USP47: variants seen among roughly 807,000 people sequenced by gnomAD.
USP47 encodes ubiquitin carboxyl-terminal hydrolase 47.
In USP47, 35 loss-of-function variants were observed where a neutral mutation model predicts 165.1. The observed-to-expected ratio is 0.21, with a 90% CI of 0.16 to 0.28. The LOEUF (loss-of-function observed/expected upper bound fraction) is 0.28. Among genes scored for constraint, USP47 ranks in the 10% least tolerant of loss-of-function variants. The pLI is 1.00. For missense variants in USP47, 1,277 were observed against 1,607.4 expected (o/e 0.79, Z 3.52); for synonymous variants, 531 against 544.5 (o/e 0.98, Z 0.35).
intron 8 of USP47, among the ~76,000 whole-genome samples, chr11:11,911,238 A>G (rs991956072): frequency 5.9e-5 from 9 of 152,190 alleles, no homozygotes; most frequent in African/African-American, 2.2e-4. Context: ...TGGGACTATA[A>G]CAAAAGGTTT....
intron 1 of USP47, among the ~76,000 whole-genome samples, chr11:11,848,356 T>C (rs1848540316): frequency 6.6e-6 from 1 of 152,250 alleles, no homozygotes; most frequent in Non-Finnish European, 1.5e-5. Flanking sequence ...TACTGAATAC[T>C]GTAGGCAGTT....
chr11:11,930,050 CAA>C lies in USP47; in HGVS notation c.1526_1527del (p.Gln509ArgfsTer4), dbSNP rs1283803533. 1.2e-6 allele frequency: 2 copies of C among 1,612,930 alleles called. No homozygotes were observed. Among genetic ancestry groups the C allele is most frequent in the South Asian group, 1.1e-5 (1 of 91,032 alleles). ...FNDQHVSRITQEDIKKTHGGS... is the reference protein window; with the variant it reads ...FNDQHVSRITXEDIKKTHGGS... ...TCATGTAACACATTTTCAGATAACA[CAA>C]GAGGACATTAAGAAAACACATGGTG... On this transcript the variant is annotated frameshift_variant, in exon 13 of 28. Coordinates refer to ENST00000527733, the MANE Select transcript of USP47 (RefSeq NM_001282659.2). LOFTEE classifies it high-confidence loss of function.
At chr11:11,875,689 T>C (rs1172868611) in intron 1 of USP47, among the ~76,000 whole-genome samples, 15 of 152,174 alleles carry the variant, frequency 9.9e-5, no homozygotes, top group Admixed American at 9.8e-4. Flanking sequence ...CTGCAAACTC[T>C]ACCTCCCAGG....
intron 2 of USP47, among the ~76,000 whole-genome samples, chr11:11,884,097 G>C (rs1851003445): frequency 6.6e-6 from 1 of 151,704 alleles, no homozygotes; most frequent in South Asian, 2.1e-4. Context: ...AATTATCTTT[G>C]GTCAATTTTC....
chr11:11,932,954 G>T, intron 14 of USP47, 50 bp from the exon 15 acceptor site: 1 of 1,409,756 alleles, frequency 7.1e-7, no homozygotes, highest in South Asian at 1.2e-5. Context: ...GATGAATAAA[G>T]GCAGCTCAGT....
chr11:11,865,805 G>A (rs541623766), intron 1 of USP47, among the ~76,000 whole-genome samples: 2 of 151,794 alleles, frequency 1.3e-5, no homozygotes, highest in Non-Finnish European at 2.9e-5. Context: ...TTATGTGCTT[G>A]TTGGCTATTT....
At chr11:11,848,060 G>A (rs534469766) in intron 1 of USP47, among the ~76,000 whole-genome samples, 1 of 152,204 alleles carries the variant, frequency 6.6e-6, no homozygotes, top group East Asian at 1.9e-4. Flanking sequence ...AATCAAGGTA[G>A]CTTTAACCAG....
rs531901279 is a variant in USP47, at chr11:11,915,548, A to G, written c.970-4608A>G. Among the ~76,000 whole-genome samples the G allele has an allele frequency of 8.5e-5, 13 of 152,368 alleles. No homozygotes were observed. In the East Asian group the frequency reaches 1.7e-3, roughly 20 times the overall value. On this transcript the variant is annotated intron_variant, in intron 8 of 27. Coordinates refer to ENST00000527733, the MANE Select transcript of USP47 (RefSeq NM_001282659.2). ...GAATTAGATAGGTGTATGAATGCCA[A>G]TATCATGGTTATGATATGCCATAGT...
chr11:11,877,811 G>C (rs1017346822), intron 1 of USP47, among the ~76,000 whole-genome samples: 20,135 of 42,994 alleles, frequency 0.47, 1,765 homozygotes, highest in Admixed American at 0.55. Flanking sequence ...CTCTCTGTGT[G>C]TGTGTGTGTG....
chr11:11,898,068 T>G (rs945008497), intron 5 of USP47, among the ~76,000 whole-genome samples: 4 of 152,130 alleles, frequency 2.6e-5, no homozygotes, highest in Non-Finnish European at 5.9e-5. Flanking sequence ...AAAGTTTTTT[T>G]TTAACTTGCA....
Position 11,961,685 on chromosome 11 carries a change from G to C in USP47, c.*5510G>C, listed in dbSNP as rs371793851. 2.8e-4 allele frequency among the ~76,000 whole-genome samples: 42 copies of C among 152,324 alleles called. No homozygotes were observed. The highest frequency in any genetic ancestry group is 1.0e-3 in the African/African-American group (42 of 41,588). ...CATTCTTGTTTGCCACTCTCCTTTTGTCAATTGGGAAAAAATTCCAGAAAC... is the reference window on the plus strand; with the variant it reads ...CATTCTTGTTTGCCACTCTCCTTTTCTCAATTGGGAAAAAATTCCAGAAAC... On this transcript the variant is annotated 3_prime_UTR_variant, in exon 28 of 28. Transcript: ENST00000527733.
chr11:11,949,996 T>C lies in USP47; in HGVS notation c.3456T>C (p.Ser1152=), dbSNP rs746447314. Reference sequence around the variant, plus strand: ...GGGAGCAATGTGGTTTAGAGCTCAGTATTGACAGGTAAAGTAAAATTAATG... The same window carrying C: ...GGGAGCAATGTGGTTTAGAGCTCAGCATTGACAGGTAAAGTAAAATTAATG... ...QLREQCGLEL[S]IDRFRLRKKT... The change falls in exon 23 of 28, where the codon AGT becomes AGC. Residue 1152 remains serine (S), a synonymous_variant. Transcript: ENST00000527733. The C allele has an allele frequency of 2.5e-6, 4 of 1,605,270 alleles. No individual in the cohort carries two copies. Among genetic ancestry groups the C allele is most frequent in the East Asian group, 4.5e-5 (2 of 44,644 alleles).
chr11:11,891,889 C>T, intron 3 of USP47, 79 bp from the exon 4 acceptor site: 1 of 1,519,910 alleles, frequency 6.6e-7, no homozygotes, highest in East Asian at 2.4e-5. Context: ...TCATTCAAAC[C>T]TTCCTACAGG....
intron 2 of USP47, among the ~76,000 whole-genome samples, chr11:11,883,666 T>A (rs1459433938): frequency 6.6e-6 from 1 of 152,220 alleles, no homozygotes; most frequent in Middle Eastern, 3.2e-3. Context: ...TACTCCCTCA[T>A]TTTTCTCAAC....
At chr11:11,870,173 A>G (rs1564857477) in intron 1 of USP47, among the ~76,000 whole-genome samples, 1 of 147,540 alleles carries the variant, frequency 6.8e-6, no homozygotes, top group Non-Finnish European at 1.5e-5. Flanking sequence ...GTTTCCTTTT[A>G]TATAGCTTTC....
intron 1 of USP47, among the ~76,000 whole-genome samples, chr11:11,851,374 A>G (rs567161802): frequency 1.3e-5 from 2 of 152,236 alleles, no homozygotes; most frequent in African/African-American, 4.8e-5. Context: ...GATTTTCACT[A>G]CTTCTTAGAT....
chr11:11,895,328 G>C (rs1851780801), intron 4 of USP47, among the ~76,000 whole-genome samples: 2 of 152,078 alleles, frequency 1.3e-5, no homozygotes, highest in African/African-American at 4.8e-5. Flanking sequence ...TTTTCCTCCA[G>C]GGTTCTAGGG....
At chr11:11,888,584 C>G (rs1015443152) in intron 3 of USP47, among the ~76,000 whole-genome samples, 12 of 152,002 alleles carry the variant, frequency 7.9e-5, no homozygotes, top group Non-Finnish European at 1.3e-4. Flanking sequence ...AAAAAAAGCC[C>G]AGGACCAAAC....
chr11:11,848,203 A>G (rs1480154512), intron 1 of USP47, among the ~76,000 whole-genome samples: 1 of 152,228 alleles, frequency 6.6e-6, no homozygotes, highest in Non-Finnish European at 1.5e-5. Flanking sequence ...TCACTTAATG[A>G]TGAGGACCTA....
Sources: gnomAD v4.1 joint callset for allele counts (sites outside exome capture counted in the v4.1 genomes callset) on GRCh38, gnomAD v4.1.1 for gene constraint, MANE v1.5 for transcripts, NCBI Gene and HGNC (gene_info 2026-07-23, HGNC 2026-07-21) for gene names.